XKR4: variants seen among roughly 807,000 people sequenced by gnomAD.
XKR4 encodes XK related 4, also known as XK-related protein 4.
In XKR4, 12 loss-of-function variants were observed where a neutral mutation model predicts 53.9. The observed-to-expected ratio is 0.22, with a 90% CI of 0.14 to 0.36. The LOEUF (loss-of-function observed/expected upper bound fraction) is 0.36, where lower values mean the gene tolerates loss of function less well. XKR4 is among the 10% of genes least tolerant of loss of function. The pLI is 1.00. For missense variants in XKR4, 799 were observed against 859.5 expected (o/e 0.93, Z 0.88); for synonymous variants, 354 against 362.4 (o/e 0.98, Z 0.26).
At chr8:55,438,414 C>A (rs958279422) in intron 2 of XKR4, among the ~76,000 whole-genome samples, 3 of 151,428 alleles carry the variant, frequency 2.0e-5, no homozygotes, top group Admixed American at 1.3e-4. Context: ...GGTGAAACCC[C>A]GTCTCTATTA....
chr8:55,524,379 G>A lies in XKR4; in HGVS notation c.*152G>A. On this transcript the variant is annotated 3_prime_UTR_variant, in exon 3 of 3. Transcript: ENST00000327381. ...ATTATCATTTGATCCTGTCGGCTGG[G>A]GGCGGCTGGTCTCCTTCCAAAGCAG... 1 of 793,002 alleles carries A rather than the reference G, an allele frequency of 1.3e-6. No homozygotes were observed. The highest frequency in any genetic ancestry group is 1.9e-6 in the Non-Finnish European group (1 of 514,052). The allele number at this position is 793,002 out of a possible 1,614,324, so 49.1% of individuals were successfully genotyped here. A position where few individuals can be genotyped will look rare whatever the true frequency, so the allele number is the denominator to read the frequency against.
At chr8:55,353,660 T>C (rs1211756976) in intron 1 of XKR4, among the ~76,000 whole-genome samples, 1 of 152,230 alleles carries the variant, frequency 6.6e-6, no homozygotes, top group Non-Finnish European at 1.5e-5. Flanking sequence ...CAAGGATGAT[T>C]GGTGATGATC....
rs187181418 is a variant in XKR4, at chr8:55,445,223, A to C, written c.1007-78058A>C. ...CAGGTGCCCACCACCACACCTGGCT[A>C]ATTTTTTGTATTTTTAGTAGAGACG... On this transcript the variant is annotated intron_variant, in intron 2 of 2. Coordinates refer to ENST00000327381, the MANE Select transcript of XKR4 (RefSeq NM_052898.2). Among the ~76,000 whole-genome samples the C allele has an allele frequency of 4.6e-5, 7 of 152,002 alleles. 1 individual carries two copies. Among genetic ancestry groups the C allele is most frequent in the Admixed American group, 3.9e-4 (6 of 15,260 alleles).
At chr8:55,478,497 A>T (rs909568176) in intron 2 of XKR4, among the ~76,000 whole-genome samples, 1 of 152,098 alleles carries the variant, frequency 6.6e-6, no homozygotes, top group African/African-American at 2.4e-5. Flanking sequence ...TCAACTAATG[A>T]GCAAAATAAC....
chr8:55,489,950 C>T (rs1237843665), intron 2 of XKR4, among the ~76,000 whole-genome samples: 1 of 152,120 alleles, frequency 6.6e-6, no homozygotes, highest in African/African-American at 2.4e-5. Context: ...TGTGCTATTG[C>T]CATCATACAT....
At chr8:55,454,667 C>G (rs1456735158) in intron 2 of XKR4, 5 of 973,696 alleles carry the variant, frequency 5.1e-6, no homozygotes, top group Non-Finnish European at 8.3e-6. Flanking sequence ...TTCCCAATTA[C>G]GTTCCCTGGG....
chr8:55,293,144 G>T (rs1194773160), intron 1 of XKR4, among the ~76,000 whole-genome samples: 1 of 152,160 alleles, frequency 6.6e-6, no homozygotes, highest in Non-Finnish European at 1.5e-5. Flanking sequence ...AGACCAGCCT[G>T]CTCAACATGG....
In XKR4 at chr8:55,450,390, A is replaced by G. The variant is rs1805419650; in HGVS notation, c.1007-72891A>G. The stretch of plus-strand genomic sequence containing the variant: ...GCAGGACCTCTGTGTCCTCGGGTGC[A>G]TTCATGTAGTTGTGGAACATGGCTG... On this transcript the variant is annotated intron_variant, in intron 2 of 2. Transcript: ENST00000327381. 5 of 606,702 alleles carry G rather than the reference A, an allele frequency of 8.2e-6. No individual in the cohort carries two copies. The South Asian group carries it at 9.5e-5, about 12-fold the overall frequency. 37.6% of individuals were successfully genotyped at this position (606,702 alleles called of 1,614,324 possible). A position where few individuals can be genotyped will look rare whatever the true frequency, so the allele number is the denominator to read the frequency against.
chr8:55,184,637 T>C (rs796812685), intron 1 of XKR4, among the ~76,000 whole-genome samples: 6 of 152,348 alleles, frequency 3.9e-5, no homozygotes, highest in African/African-American at 1.4e-4. Context: ...ACAAACTTCG[T>C]ATACATCTCT....
chr8:55,386,527 C>T (rs894756543), intron 2 of XKR4, among the ~76,000 whole-genome samples: 2 of 152,200 alleles, frequency 1.3e-5, no homozygotes, highest in African/African-American at 4.8e-5. Context: ...TCCCGCGTTC[C>T]TAATTGAGGA....
At chr8:55,482,304 C>A (rs1806121858) in intron 2 of XKR4, among the ~76,000 whole-genome samples, 1 of 152,116 alleles carries the variant, frequency 6.6e-6, no homozygotes, top group East Asian at 1.9e-4. Context: ...GGACAAAAAA[C>A]CAAACACCGT....
intron 2 of XKR4, among the ~76,000 whole-genome samples, chr8:55,405,249 T>C (rs1804665796): frequency 6.6e-6 from 1 of 152,122 alleles, no homozygotes; most frequent in South Asian, 2.1e-4. Context: ...GAATCAGGCC[T>C]GGCAGCCTGG....
chr8:55,521,124 G>A (rs1281450057), intron 2 of XKR4: 1 of 152,296 alleles, frequency 6.6e-6, no homozygotes, highest in East Asian at 1.9e-4. Context: ...GGAAGGGGAG[G>A]GGCGTTCCCG....
chr8:55,255,267 A>G (rs1818421503), intron 1 of XKR4, among the ~76,000 whole-genome samples: 1 of 152,168 alleles, frequency 6.6e-6, no homozygotes, highest in African/African-American at 2.4e-5. Context: ...TAGATAAGTT[A>G]TTTTACTTCT....
At chr8:55,107,310 G>A (rs1300851609) in intron 1 of XKR4, among the ~76,000 whole-genome samples, 3 of 152,054 alleles carry the variant, frequency 2.0e-5, no homozygotes, top group Non-Finnish European at 2.9e-5. Context: ...GATTAAAAAC[G>A]GGGCCCATTT....
At chr8:55,380,080 C>T (rs897731547) in intron 2 of XKR4, among the ~76,000 whole-genome samples, 1 of 152,196 alleles carries the variant, frequency 6.6e-6, no homozygotes, top group African/African-American at 2.4e-5. Flanking sequence ...ACACACAGTC[C>T]CGTGGCAAAG....
At chr8:55,318,826 G>T (rs2129379160) in intron 1 of XKR4, among the ~76,000 whole-genome samples, 1 of 152,276 alleles carries the variant, frequency 6.6e-6, no homozygotes, top group South Asian at 2.1e-4. Flanking sequence ...AACTTTGCAG[G>T]AAAAGAGTTG....
At chr8:55,365,770 T>A (rs1378330313) in intron 2 of XKR4, among the ~76,000 whole-genome samples, 1 of 123,160 alleles carries the variant, frequency 8.1e-6, no homozygotes, top group East Asian at 2.3e-4. Context: ...GCTGGGAGGG[T>A]GAGAGGATGA....
chr8:55,460,225 G>A (rs1805634109), intron 2 of XKR4, among the ~76,000 whole-genome samples: 1 of 152,072 alleles, frequency 6.6e-6, no homozygotes, highest in African/African-American at 2.4e-5. Flanking sequence ...AATAAAAAAG[G>A]CAAAACCACA....
Sources: allele counts gnomAD v4.1 joint callset (sites outside exome capture counted in the v4.1 genomes callset), GRCh38; gene constraint gnomAD v4.1.1; transcripts MANE v1.5; gene names NCBI Gene and HGNC (gene_info 2026-07-23, HGNC 2026-07-21).